The following FGGY variants were observed in gnomAD, a reference collection of about 807,000 sequenced individuals.
FGGY encodes the protein FGGY carbohydrate kinase domain containing.
A neutral mutation model predicts 71.3 loss-of-function variants in FGGY; 72 were observed. The observed-to-expected ratio is 1.01, with a 90% confidence interval of 0.84 to 1.23. FGGY has a LOEUF of 1.23. Among genes scored for constraint, FGGY ranks in the 50% most tolerant of loss-of-function variants. FGGY has a pLI of 0.00. For synonymous variants in FGGY, 251 were observed against 250.3 expected (o/e 1.00, Z -0.02); for missense variants, 668 against 682.3 (o/e 0.98, Z 0.23).
chr1:59,519,317 A>C (rs999577194), intron 7 of FGGY, among the ~76,000 whole-genome samples: 1 of 152,252 alleles, frequency 6.6e-6, no homozygotes, highest in African/African-American at 2.4e-5. Context: ...TTACTAGTTC[A>C]TGGGGTTAGA....
chr1:59,641,234 A>G (rs765190372), intron 11 of FGGY: 2 of 1,484,810 alleles, frequency 1.3e-6, no homozygotes, highest in Admixed American at 1.8e-5. Context: ...TGCCTTTAGC[A>G]TTTTATCTTA....
intron 14 of FGGY, among the ~76,000 whole-genome samples, chr1:59,690,657 G>A (rs997824445): frequency 7.2e-5 from 11 of 152,128 alleles, no homozygotes; most frequent in Non-Finnish European, 1.5e-5. Flanking sequence ...AGTCAGTGCT[G>A]GATACATGTA....
chr1:59,618,240 C>T lies in FGGY; in HGVS notation c.1012-7748C>T, dbSNP rs954827554. On this transcript the variant is annotated intron_variant, in intron 9 of 15. Coordinates refer to ENST00000303721, the MANE Select transcript of FGGY (RefSeq NM_018291.5). Reference sequence around the variant, plus strand: ...CCTACTGGAAAAATAGAGGCTAATACTGAGTACCTATTATGTACCAAATAT... The same window carrying T: ...CCTACTGGAAAAATAGAGGCTAATATTGAGTACCTATTATGTACCAAATAT... Among the ~76,000 whole-genome samples the T allele has an allele frequency of 2.6e-5, 4 of 152,202 alleles. No individual in the cohort carries two copies. In the Middle Eastern group the frequency reaches 0.01, roughly 388 times the overall value.
intron 15 of FGGY, among the ~76,000 whole-genome samples, chr1:59,758,722 C>G (rs1347171161): frequency 6.6e-6 from 1 of 152,150 alleles, no homozygotes; most frequent in African/African-American, 2.4e-5. Flanking sequence ...AAAGTGGGAG[C>G]AGCATAGTAC....
chr1:59,492,136 A>G (rs1221811460), intron 6 of FGGY, among the ~76,000 whole-genome samples: 7 of 152,106 alleles, frequency 4.6e-5, no homozygotes, highest in African/African-American at 1.4e-4. Flanking sequence ...TTATTTATGT[A>G]CTTATTGTCT....
chr1:59,424,070 T>G (rs1005431998), intron 5 of FGGY, among the ~76,000 whole-genome samples: 1 of 152,178 alleles, frequency 6.6e-6, no homozygotes, highest in Non-Finnish European at 1.5e-5. Flanking sequence ...CTTGAGTGAA[T>G]AGGCAAATAA....
At chr1:59,617,944 G>C (rs1412165654) in intron 9 of FGGY, among the ~76,000 whole-genome samples, 1 of 152,084 alleles carries the variant, frequency 6.6e-6, no homozygotes, top group Non-Finnish European at 1.5e-5. Context: ...ACTAGCCTCA[G>C]GATGTCACCT....
intron 9 of FGGY, among the ~76,000 whole-genome samples, chr1:59,611,724 C>T (rs2096682483): frequency 6.6e-6 from 1 of 152,210 alleles, no homozygotes; most frequent in South Asian, 2.1e-4. Context: ...AAGTTCGAAC[C>T]CATGGCAAAG....
At chr1:59,317,534 C>T (rs1302862665) in intron 1 of FGGY, among the ~76,000 whole-genome samples, 1 of 152,144 alleles carries the variant, frequency 6.6e-6, no homozygotes, top group African/African-American at 2.4e-5. Flanking sequence ...CCAAGGGGTA[C>T]TGGTTGCATA....
chr1:59,340,266 G>C lies in FGGY; in HGVS notation c.313+197G>C, dbSNP rs115092115. 3.7e-3 allele frequency among the ~76,000 whole-genome samples: 564 copies of C among 152,278 alleles called. 3 individuals carry two copies. Among genetic ancestry groups the C allele is most frequent in the African/African-American group, 0.013 (545 of 41,576 alleles). On this transcript the variant is annotated intron_variant, in intron 3 of 15. Transcript: ENST00000303721. ...TATGAGTGGGGTGGTGTTGACGCTG[G>C]ATTAGGGGGACTAGGCTTTCTAAAA... is the stretch of plus-strand genomic sequence containing the variant.
intron 15 of FGGY, 62 bp from the exon 16 acceptor site, chr1:59,762,441 C>T: frequency 7.9e-7 from 1 of 1,266,356 alleles, no homozygotes; most frequent in Non-Finnish European, 1.1e-6. Context: ...TCTAAATGTA[C>T]AGGGAAGCCC....
chr1:59,762,662 C>T lies in FGGY; in HGVS notation c.*78C>T. On this transcript the variant is annotated 3_prime_UTR_variant, in exon 16 of 16. Transcript: ENST00000303721. ...CTTGTCATTTGATCCATGTTCAAGACCCTTGAGGTATTGTTTCATCATTTC... is the reference window on the plus strand; with the variant it reads ...CTTGTCATTTGATCCATGTTCAAGATCCTTGAGGTATTGTTTCATCATTTC... The T allele has an allele frequency of 9.7e-7, 1 of 1,035,364 alleles. No individual in the cohort carries two copies. The highest frequency in any genetic ancestry group is 1.5e-6 in the Non-Finnish European group (1 of 681,650). 64.1% of individuals were successfully genotyped at this position (1,035,364 alleles called of 1,614,324 possible).
intron 4 of FGGY, among the ~76,000 whole-genome samples, chr1:59,358,163 T>A (rs2054705128): frequency 6.6e-6 from 1 of 152,192 alleles, no homozygotes; most frequent in South Asian, 2.1e-4. Flanking sequence ...TCAATGGATG[T>A]CCACTGATGC....
At chr1:59,472,883 GT>G (rs1336589594) in intron 6 of FGGY, among the ~76,000 whole-genome samples, 6 of 152,088 alleles carry the variant, frequency 3.9e-5, no homozygotes, top group Admixed American at 3.3e-4. Flanking sequence ...CTAGCTCAGG[GT>G]TTGTGAATGC....
At chr1:59,659,975 G>A (rs2097259417) in intron 11 of FGGY, among the ~76,000 whole-genome samples, 2 of 152,180 alleles carry the variant, frequency 1.3e-5, no homozygotes, top group Non-Finnish European at 2.9e-5. Flanking sequence ...TAATCTTCCT[G>A]TGGTATTTGT....
At chr1:59,748,044 T>A (rs1012895960) in intron 14 of FGGY, among the ~76,000 whole-genome samples, 1 of 152,186 alleles carries the variant, frequency 6.6e-6, no homozygotes, top group African/African-American at 2.4e-5. Flanking sequence ...CCTCAGAGAC[T>A]GTTAGTGAGG....
At chr1:59,648,236 T>C (rs1177385640) in intron 11 of FGGY, among the ~76,000 whole-genome samples, 1 of 99,380 alleles carries the variant, frequency 1.0e-5, no homozygotes, top group Non-Finnish European at 2.0e-5. Context: ...TATAACAGCA[T>C]GATTTATAGT....
At chr1:59,665,376 C>T (rs951999340) in intron 12 of FGGY, among the ~76,000 whole-genome samples, 1 of 152,138 alleles carries the variant, frequency 6.6e-6, no homozygotes, top group African/African-American at 2.4e-5. Flanking sequence ...TTTACCTAAT[C>T]CATATTTTTA....
intron 14 of FGGY, among the ~76,000 whole-genome samples, chr1:59,675,560 T>C (rs982654147): frequency 1.3e-5 from 2 of 152,220 alleles, no homozygotes; most frequent in African/African-American, 2.4e-5. Flanking sequence ...TCTGAGTGAG[T>C]CTTTAAACAA....
Sources: allele counts gnomAD v4.1 joint callset (sites outside exome capture counted in the v4.1 genomes callset), GRCh38; gene constraint gnomAD v4.1.1; transcripts MANE v1.5; gene names NCBI Gene and HGNC (gene_info 2026-07-23, HGNC 2026-07-21).